The following ANKS1B variants were observed in gnomAD, a reference collection of about 807,000 sequenced individuals.
ANKS1B encodes the protein ankyrin repeat and sterile alpha motif domain containing 1B.
Under a neutral mutation model 148.3 loss-of-function variants are expected in ANKS1B, and 36 were observed. That is an observed-to-expected ratio of 0.24 (90% CI 0.19 to 0.32). ANKS1B has a LOEUF of 0.32. Ranked by LOEUF, ANKS1B falls within the 10% of genes least tolerant of loss-of-function variation. The pLI, the probability that ANKS1B is intolerant of heterozygous loss-of-function variation, is 1.00. For synonymous variants in ANKS1B, 542 were observed against 560.8 expected, an observed-to-expected ratio of 0.97 and a Z score of 0.47; for missense variants, 1,157 against 1,542.6, an observed-to-expected ratio of 0.75 and a Z score of 4.19.
At chr12:99,139,994 A>C (rs1490425129) in intron 15 of ANKS1B, among the ~76,000 whole-genome samples, 4 of 152,222 alleles carry the variant, frequency 2.6e-5, no homozygotes. Context: ...TTGTTAATAT[A>C]CTTCACAGTC....
At chr12:99,081,257 T>G (rs1423410187) in intron 16 of ANKS1B, among the ~76,000 whole-genome samples, 2 of 149,556 alleles carry the variant, frequency 1.3e-5, no homozygotes, top group African/African-American at 5.1e-5. Flanking sequence ...AAGATTGTAC[T>G]GAGCAAAGCA....
chr12:99,431,180 T>A (rs1305801637), intron 11 of ANKS1B, among the ~76,000 whole-genome samples: 1 of 152,254 alleles, frequency 6.6e-6, no homozygotes, highest in Non-Finnish European at 1.5e-5. Context: ...CACCATTGAT[T>A]TAAAACTTGT....
At chr12:99,136,651 T>C (rs1352863878) in intron 15 of ANKS1B, among the ~76,000 whole-genome samples, 1 of 152,048 alleles carries the variant, frequency 6.6e-6, no homozygotes, top group Non-Finnish European at 1.5e-5. Flanking sequence ...AAAGCCAAAA[T>C]TAAGGGCATT....
At chr12:99,880,358 C>A (rs1028938226) in intron 1 of ANKS1B, among the ~76,000 whole-genome samples, 2 of 152,116 alleles carry the variant, frequency 1.3e-5, no homozygotes, top group African/African-American at 4.8e-5. Flanking sequence ...AAGTAGATAA[C>A]AGGGATTCAA....
chr12:99,417,511 G>T (rs908325917), intron 11 of ANKS1B, among the ~76,000 whole-genome samples: 1 of 151,604 alleles, frequency 6.6e-6, no homozygotes, highest in Non-Finnish European at 1.5e-5. Flanking sequence ...CTTCTCTTTC[G>T]ATTTTTTTTT....
At chr12:99,021,841 T>G (rs868757375) in intron 17 of ANKS1B, among the ~76,000 whole-genome samples, 53 of 152,228 alleles carry the variant, frequency 3.5e-4, no homozygotes, top group African/African-American at 1.2e-3. Flanking sequence ...TTTACATTTT[T>G]CATAAGCTAA....
chr12:98,855,919 T>TCTCCA (rs761347450), intron 17 of ANKS1B, among the ~76,000 whole-genome samples: 23 of 152,196 alleles, frequency 1.5e-4, no homozygotes, highest in South Asian at 6.2e-4. Context: ...CAACTGTGCG[T>TCTCCA]CTCCAAGACA....
chr12:99,073,758 T>C (rs1201637270), intron 16 of ANKS1B, among the ~76,000 whole-genome samples: 1 of 152,174 alleles, frequency 6.6e-6, no homozygotes, highest in Non-Finnish European at 1.5e-5. Flanking sequence ...GTTCTTGCTT[T>C]TAGTCAATTG....
chr12:99,324,298 T>C (rs1489687436), intron 12 of ANKS1B, among the ~76,000 whole-genome samples: 2 of 152,148 alleles, frequency 1.3e-5, no homozygotes, highest in Non-Finnish European at 2.9e-5. Context: ...ATACTAATTT[T>C]ACAGGTGGGA....
intron 9 of ANKS1B, among the ~76,000 whole-genome samples, chr12:99,578,582 A>G (rs2097540318): frequency 6.6e-6 from 1 of 152,126 alleles, no homozygotes; most frequent in Non-Finnish European, 1.5e-5. Context: ...CAAATCAAGA[A>G]TGCAATCCCA....
intron 15 of ANKS1B, among the ~76,000 whole-genome samples, chr12:99,128,625 T>C (rs1218373895): frequency 2.6e-5 from 4 of 152,198 alleles, no homozygotes; most frequent in African/African-American, 9.6e-5. Flanking sequence ...TCCTCTCAAA[T>C]TGGTTGAAAT....
At chr12:99,432,599 G>A (rs146110321) in intron 11 of ANKS1B, among the ~76,000 whole-genome samples, 65 of 152,252 alleles carry the variant, frequency 4.3e-4, no homozygotes, top group African/African-American at 1.5e-3. Flanking sequence ...ATGTTAGTTC[G>A]GGAGTGAAAA....
intron 22 of ANKS1B, among the ~76,000 whole-genome samples, chr12:98,796,873 T>C (rs1566615450): frequency 1.3e-5 from 2 of 152,192 alleles, no homozygotes; most frequent in Middle Eastern, 3.2e-3. Context: ...GGCTTTTCTA[T>C]TGCTATCAGG....
chr12:99,737,608 T>G (rs1467777086), intron 8 of ANKS1B, among the ~76,000 whole-genome samples: 2 of 152,050 alleles, frequency 1.3e-5, no homozygotes, highest in Admixed American at 6.6e-5. Flanking sequence ...AATGTATTAT[T>G]GGGAATAAAA....
intron 11 of ANKS1B, among the ~76,000 whole-genome samples, chr12:99,428,298 G>A (rs941656112): frequency 3.9e-5 from 6 of 152,100 alleles, no homozygotes; most frequent in Non-Finnish European, 8.8e-5. Flanking sequence ...AAAGTAAGGA[G>A]CAGGGTGGAT....
chr12:99,919,538 G>A (rs1204197918), intron 1 of ANKS1B, among the ~76,000 whole-genome samples: 1 of 152,092 alleles, frequency 6.6e-6, no homozygotes, highest in East Asian at 1.9e-4. Context: ...AGATTCACAA[G>A]AAGAGGAAAT....
intron 16 of ANKS1B, among the ~76,000 whole-genome samples, chr12:99,074,799 A>G (rs1001083841): frequency 2.0e-5 from 3 of 152,214 alleles, no homozygotes; most frequent in Non-Finnish European, 4.4e-5. Context: ...ACCTCTAATC[A>G]GCATTTTTGT....
In ANKS1B at chr12:99,088,995, G is replaced by A. The variant is rs143552483; in HGVS notation, c.2527-3972C>T. ...CAAGTAGCTGGGATTACAGGTGCCC[G>A]TCACCATGCCTGGCTAACAGGGTTT... On this transcript the variant is annotated intron_variant, in intron 15 of 26. Transcript: ENST00000683438. 2.6e-4 allele frequency among the ~76,000 whole-genome samples: 39 copies of A among 151,782 alleles called. 1 individual carries two copies. Among genetic ancestry groups the A allele is most frequent in the Admixed American group, 5.3e-4 (8 of 15,228 alleles).
intron 10 of ANKS1B, among the ~76,000 whole-genome samples, chr12:99,452,460 T>G (rs1225732856): frequency 6.6e-6 from 1 of 152,338 alleles, no homozygotes; most frequent in East Asian, 1.9e-4. Context: ...GCATTATATC[T>G]AACACCAGGG....
Sources: gnomAD v4.1 joint callset for allele counts (sites outside exome capture counted in the v4.1 genomes callset) on GRCh38, gnomAD v4.1.1 for gene constraint, MANE v1.5 for transcripts, NCBI Gene and HGNC (gene_info 2026-07-23, HGNC 2026-07-21) for gene names.